Variants in PARP16 observed in about 807,000 individuals in gnomAD.
PARP16 encodes the protein protein mono-ADP-ribosyltransferase PARP16.
A neutral mutation model predicts 35.0 loss-of-function variants in PARP16; 31 were observed. The observed-to-expected ratio is 0.88, with a 90% CI of 0.66 to 1.19. The LOEUF is 1.19. Ranked by LOEUF, PARP16 falls within the 50% of genes most tolerant of loss-of-function variation. PARP16 has a pLI of 0.00. For synonymous variants in PARP16, 162 were observed against 169.5 expected (o/e 0.96, Z 0.34); for missense variants, 424 against 411.2 (o/e 1.03, Z -0.27).
intron 1 of PARP16, among the ~76,000 whole-genome samples, chr15:65,274,755 G>A (rs939057118): frequency 3.3e-5 from 5 of 152,102 alleles, no homozygotes; most frequent in Non-Finnish European, 7.4e-5. Context: ...ATAGGAGGAG[G>A]CATTAGATTT....
chr15:65,259,382 A>G lies in PARP16; in HGVS notation c.*25T>C. ...TTACCATAAGGCACATAGTTGAGGT[A>G]GCCCCCACACCAGGCCCAGAAAGAT... On this transcript the variant is annotated 3_prime_UTR_variant, in exon 6 of 6. Transcript: ENST00000649807. 6.2e-7 allele frequency: 1 copy of G among 1,613,416 alleles called. No individual in the cohort carries two copies. The highest frequency in any genetic ancestry group is 8.5e-7 in the Non-Finnish European group (1 of 1,179,386).
At position 65,266,570 on chromosome 15, in the gene PARP16, G is replaced by A. The variant is rs1158252287; in HGVS notation, c.511C>T (p.Leu171=). The A allele has an allele frequency of 6.2e-7, 1 of 1,613,454 alleles. No individual in the cohort carries two copies. The highest frequency in any genetic ancestry group is 8.5e-7 in the Non-Finnish European group (1 of 1,179,506). The change falls in exon 3 of 6, where the codon CTG becomes TTG. Residue 171 remains leucine, a synonymous_variant. Transcript: ENST00000649807. ...TGTCCCTTAGGCCCCACCTTGTTCA[G>A]ATGGCAGTGCAGGCCATTGTGGATA... The part of the protein sequence containing the change: ...SIIHNGLHCH[L]NKTSLFGEGT...
At position 65,286,733 on chromosome 15, in the gene PARP16, G is replaced by A. The variant is rs12906848; in HGVS notation, c.-307C>T. 4 of 379,002 alleles carry A rather than the reference G, an allele frequency of 1.1e-5. No individual in the cohort carries two copies. Among genetic ancestry groups the A allele is most frequent in the African/African-American group, 6.3e-5 (3 of 47,472 alleles). The allele number at this position is 379,002 out of a possible 1,614,324, so 23.5% of individuals were successfully genotyped here. On this transcript the variant is annotated 5_prime_UTR_variant, in exon 1 of 6. Transcript: ENST00000649807. ...GTGGGGGGGAGGGGTTCCCGGCCTA[G>A]GGGAAGGGCTATGACAATGGAATGA...
At chr15:65,275,150 G>C (rs1022583176) in intron 1 of PARP16, among the ~76,000 whole-genome samples, 1 of 151,940 alleles carries the variant, frequency 6.6e-6, no homozygotes, top group African/African-American at 2.4e-5. Flanking sequence ...TCGTAACAAA[G>C]TTGGATACAA....
downstream of PARP16, among the ~76,000 whole-genome samples, chr15:65,231,958 C>G (rs1383137776): frequency 6.6e-6 from 1 of 151,736 alleles, no homozygotes; most frequent in East Asian, 1.9e-4. Context: ...GATATCTTTT[C>G]ACTGATTTTA....
chr15:65,231,167 C>T (rs568723486), downstream of PARP16, among the ~76,000 whole-genome samples: 12 of 152,176 alleles, frequency 7.9e-5, no homozygotes, highest in African/African-American at 2.2e-4. Context: ...GGATTACAGG[C>T]GTGAGCCACC....
chr15:65,240,167 A>G (rs977847049), intron 3 of PARP16, among the ~76,000 whole-genome samples: 1 of 150,992 alleles, frequency 6.6e-6, no homozygotes, highest in Non-Finnish European at 1.5e-5. Flanking sequence ...GTTTTGAGAC[A>G]GAGTCTCGCT....
At chr15:65,262,720 A>G (rs886618312) in intron 4 of PARP16, among the ~76,000 whole-genome samples, 2 of 152,138 alleles carry the variant, frequency 1.3e-5, no homozygotes, top group Non-Finnish European at 2.9e-5. Context: ...TATCAAGTAC[A>G]TACCAAGGCT....
intron 1 of PARP16, among the ~76,000 whole-genome samples, chr15:65,281,778 C>T (rs921196796): frequency 4.6e-5 from 7 of 151,542 alleles, no homozygotes; most frequent in African/African-American, 1.7e-4. Flanking sequence ...ACTTTGAGGA[C>T]AGTGGTAAGA....
At chr15:65,250,890 C>T (rs893167363) in intron 2 of PARP16, among the ~76,000 whole-genome samples, 5 of 152,072 alleles carry the variant, frequency 3.3e-5, no homozygotes, top group Admixed American at 1.3e-4. Flanking sequence ...TATTTAGAGA[C>T]GGAGTCTCAC....
intron 3 of PARP16, among the ~76,000 whole-genome samples, chr15:65,264,649 C>T (rs2089834973): frequency 6.6e-6 from 1 of 152,190 alleles, no homozygotes; most frequent in Middle Eastern, 3.2e-3. Context: ...CTGATCTGAC[C>T]CCACATCCAT....
intron 1 of PARP16, among the ~76,000 whole-genome samples, chr15:65,285,140 GTT>G (rs759145300): frequency 2.3e-4 from 31 of 135,142 alleles, no homozygotes; most frequent in Non-Finnish European, 2.2e-4. Flanking sequence ...CACCCTCCAG[GTT>G]TTTTTTTTTT....
downstream of PARP16, among the ~76,000 whole-genome samples, chr15:65,255,310 T>C (rs963537421): frequency 6.6e-5 from 10 of 151,962 alleles, no homozygotes; most frequent in African/African-American, 2.4e-4. Flanking sequence ...AGGCCCACAT[T>C]GCAAAAATGT....
downstream of PARP16, among the ~76,000 whole-genome samples, chr15:65,256,891 C>G (rs2089529146): frequency 6.6e-6 from 1 of 152,176 alleles, no homozygotes; most frequent in African/African-American, 2.4e-5. Context: ...GAACCAATTC[C>G]TCTGGGGGAA....
In PARP16 at chr15:65,286,829, C is replaced by A; in HGVS notation, c.-403G>T. The A allele has an allele frequency of 5.7e-6, 1 of 175,244 alleles. No individual in the cohort carries two copies. Among genetic ancestry groups the A allele is most frequent in the East Asian group, 1.4e-4 (1 of 7,082 alleles). The allele number at this position is 175,244 out of a possible 1,614,324, so 10.9% of individuals were successfully genotyped here. A position where few individuals can be genotyped will look rare whatever the true frequency, so the allele number is the denominator to read the frequency against. On this transcript the variant is annotated 5_prime_UTR_variant, in exon 1 of 6. Coordinates refer to ENST00000649807, the MANE Select transcript of PARP16 (RefSeq NM_001316943.2). Reference sequence around the variant, plus strand: ...GCGGGAAGCAGCCCCCGGGGGACGGCGGGCAGAGCCCACTCTCCGCGACGG... The same window carrying A: ...GCGGGAAGCAGCCCCCGGGGGACGGAGGGCAGAGCCCACTCTCCGCGACGG...
downstream of PARP16, among the ~76,000 whole-genome samples, chr15:65,231,882 T>C (rs2088781757): frequency 6.6e-6 from 1 of 152,236 alleles, no homozygotes; most frequent in African/African-American, 2.4e-5. Flanking sequence ...TCACTTTTTA[T>C]TTCTGCCTGC....
intron 1 of PARP16, among the ~76,000 whole-genome samples, chr15:65,271,495 G>A (rs1388193589): frequency 2.0e-5 from 3 of 152,102 alleles, no homozygotes; most frequent in South Asian, 4.2e-4. Context: ...GCCTGGTCTC[G>A]AGCTCCTGAC....
intron 3 of PARP16, among the ~76,000 whole-genome samples, chr15:65,242,418 AT>A (rs2089105069): frequency 2.0e-5 from 3 of 152,070 alleles, no homozygotes; most frequent in African/African-American, 4.8e-5. Flanking sequence ...GATTGCTGCA[AT>A]TTTGACAGGA....
intron 1 of PARP16, among the ~76,000 whole-genome samples, chr15:65,283,025 T>C (rs1041066512): frequency 3.3e-5 from 5 of 152,194 alleles, no homozygotes; most frequent in Admixed American, 6.5e-5. Context: ...ACAAGCCCCT[T>C]TGCATGTATC....
Sources: gnomAD v4.1 joint callset for allele counts (sites outside exome capture counted in the v4.1 genomes callset) on GRCh38, gnomAD v4.1.1 for gene constraint, MANE v1.5 for transcripts, NCBI Gene and HGNC (gene_info 2026-07-23, HGNC 2026-07-21) for gene names.